Variants in MTMR7 observed in about 807,000 individuals in gnomAD.
MTMR7 encodes the protein phosphatidylinositol-3-phosphate phosphatase MTMR7.
Under a neutral mutation model 81.2 loss-of-function variants are expected in MTMR7, and 76 were observed. The observed-to-expected ratio is 0.94, with a 90% confidence interval of 0.78 to 1.13. The LOEUF is 1.13. Ranked by LOEUF, MTMR7 falls within the 50% of genes most tolerant of loss-of-function variation. MTMR7 has a pLI of 0.00. For missense variants in MTMR7, 1,044 were observed against 820.0 expected (o/e 1.27, Z -3.34); for synonymous variants, 372 against 289.8 (o/e 1.28, Z -2.88).
intron 4 of MTMR7, among the ~76,000 whole-genome samples, chr8:17,356,984 T>A (rs111463786): frequency 0.012 from 1,860 of 152,188 alleles, 36 homozygotes; most frequent in African/African-American, 0.043. Context: ...ACTCTACTCC[T>A]AAGTAGAAAC....
At chr8:17,380,419 G>A (rs1314371041) in intron 1 of MTMR7, among the ~76,000 whole-genome samples, 1 of 152,092 alleles carries the variant, frequency 6.6e-6, no homozygotes, top group African/African-American at 2.4e-5. Flanking sequence ...CTTGAGACTT[G>A]ACAAACTTTC....
intron 1 of MTMR7, among the ~76,000 whole-genome samples, chr8:17,404,480 T>G (rs1290456791): frequency 6.6e-6 from 1 of 152,212 alleles, no homozygotes; most frequent in Non-Finnish European, 1.5e-5. Context: ...ATTATGGATC[T>G]TATCAGTACT....
chr8:17,402,465 C>T (rs1173324246), intron 1 of MTMR7, among the ~76,000 whole-genome samples: 1 of 152,058 alleles, frequency 6.6e-6, no homozygotes, highest in Non-Finnish European at 1.5e-5. Context: ...TCCATGTGTT[C>T]AATTGTTTTA....
intron 1 of MTMR7, among the ~76,000 whole-genome samples, chr8:17,380,006 A>T (rs960115905): frequency 6.6e-6 from 1 of 152,166 alleles, no homozygotes; most frequent in Admixed American, 6.5e-5. Flanking sequence ...CTAGGTAATT[A>T]AGGAAGAGCT....
intron 4 of MTMR7, among the ~76,000 whole-genome samples, chr8:17,359,368 G>A (rs560471584): frequency 2.0e-5 from 3 of 152,048 alleles, no homozygotes; most frequent in South Asian, 4.2e-4. Flanking sequence ...GAGGCCAAGG[G>A]AGGAGGACTG....
intron 1 of MTMR7, among the ~76,000 whole-genome samples, chr8:17,374,693 A>G (rs1820520617): frequency 6.6e-6 from 1 of 152,136 alleles, no homozygotes; most frequent in Non-Finnish European, 1.5e-5. Flanking sequence ...GGTGCCTGCA[A>G]TCCCAGCTAC....
At chr8:17,308,029 G>C (rs536028697) in intron 10 of MTMR7, among the ~76,000 whole-genome samples, 5 of 147,508 alleles carry the variant, frequency 3.4e-5, no homozygotes, top group Admixed American at 3.4e-4. Context: ...CTAAAACAAA[G>C]TATAATAATA....
At chr8:17,368,261 T>C (rs1339324130) in intron 3 of MTMR7, among the ~76,000 whole-genome samples, 1 of 152,130 alleles carries the variant, frequency 6.6e-6, no homozygotes, top group Non-Finnish European at 1.5e-5. Context: ...GCCACTCACC[T>C]CCTGCTGTGC....
intron 5 of MTMR7, among the ~76,000 whole-genome samples, chr8:17,345,161 T>C (rs2150545245): frequency 6.6e-6 from 1 of 152,288 alleles, no homozygotes; most frequent in Middle Eastern, 3.4e-3. Context: ...AAAATTAATA[T>C]TATGTGTTGC....
rs1455355078 is a variant in MTMR7, at chr8:17,298,474, T to C, written c.*1388A>G. On this transcript the variant is annotated 3_prime_UTR_variant, in exon 14 of 14. Coordinates refer to ENST00000180173, the MANE Select transcript of MTMR7 (RefSeq NM_004686.5). ...TGCAACACTCCCTCCAAATCTTTCA[T>C]ACTAGAGAGATCAGCAATGTTGCTT... The C allele has an allele frequency of 6.6e-6, 1 of 152,518 alleles. No individual in the cohort carries two copies. Among genetic ancestry groups the C allele is most frequent in the South Asian group, 2.1e-4 (1 of 4,826 alleles). 9.4% of individuals were successfully genotyped at this position (152,518 alleles called of 1,614,324 possible). A position where few individuals can be genotyped will look rare whatever the true frequency, so the allele number is the denominator to read the frequency against.
intron 6 of MTMR7, chr8:17,339,030 C>T (rs1819334245): frequency 6.6e-6 from 1 of 152,140 alleles, no homozygotes; most frequent in South Asian, 2.1e-4. Context: ...GGACACAAAT[C>T]ATAATACTTG....
intron 11 of MTMR7, among the ~76,000 whole-genome samples, chr8:17,305,025 G>C (rs2150469978): frequency 6.6e-6 from 1 of 152,202 alleles, no homozygotes; most frequent in East Asian, 1.9e-4. Context: ...TCAGGTACAA[G>C]AAAACAGGTG....
chr8:17,311,293 A>G (rs1817766058), intron 9 of MTMR7, among the ~76,000 whole-genome samples: 1 of 152,216 alleles, frequency 6.6e-6, no homozygotes, highest in South Asian at 2.1e-4. Context: ...TTGACTTGAA[A>G]TGGTTTCAAT....
intron 13 of MTMR7, among the ~76,000 whole-genome samples, chr8:17,301,310 A>G (rs1817094445): frequency 6.6e-6 from 1 of 152,222 alleles, no homozygotes. Flanking sequence ...GGTTAGAAGG[A>G]AAAGAACAGA....
At chr8:17,383,074 T>A (rs1820811085) in intron 1 of MTMR7, among the ~76,000 whole-genome samples, 1 of 151,372 alleles carries the variant, frequency 6.6e-6, no homozygotes, top group Non-Finnish European at 1.5e-5. Flanking sequence ...ATAAGACACA[T>A]CCACCACCTG....
At chr8:17,395,245 A>C (rs895984399) in intron 1 of MTMR7, among the ~76,000 whole-genome samples, 5 of 152,156 alleles carry the variant, frequency 3.3e-5, no homozygotes, top group African/African-American at 1.2e-4. Context: ...CATGTATCAG[A>C]ACTTCATTCC....
At chr8:17,341,967 A>T (rs1819419758) in intron 5 of MTMR7, among the ~76,000 whole-genome samples, 1 of 152,118 alleles carries the variant, frequency 6.6e-6, no homozygotes, top group Non-Finnish European at 1.5e-5. Flanking sequence ...AAATACCAAA[A>T]ACCAATTCTA....
chr8:17,408,385 G>C lies in MTMR7; in HGVS notation c.24+4884C>G. 9.1e-5 allele frequency among the ~76,000 whole-genome samples: 3 copies of C among 32,882 alleles called. 1 individual carries two copies. The highest frequency in any genetic ancestry group is 1.6e-4 in the Non-Finnish European group (2 of 12,466). The allele number at this position is 32,882 out of a possible 152,430, so 21.6% of individuals were successfully genotyped here. A position where few individuals can be genotyped will look rare whatever the true frequency, so the allele number is the denominator to read the frequency against. Reference sequence around the variant, plus strand: ...CAGTCCGGCCTGGGCGACAGAGCGAGACTCCGTCTCAAAAAAAAAAAAAAA... The same window carrying C: ...CAGTCCGGCCTGGGCGACAGAGCGACACTCCGTCTCAAAAAAAAAAAAAAA... On this transcript the variant is annotated intron_variant, in intron 1 of 13. Transcript: ENST00000180173.
At position 17,311,531 on chromosome 8, in the gene MTMR7, G is replaced by C; in HGVS notation, c.1081C>G (p.Arg361Gly). The C allele has an allele frequency of 6.2e-7, 1 of 1,614,132 alleles. No homozygotes were observed. Among genetic ancestry groups the C allele is most frequent in the Non-Finnish European group, 8.5e-7 (1 of 1,180,014 alleles). Residue 361 changes from arginine (R) to glycine (G), a missense_variant, in exon 9 of 14, where the codon CGG becomes GGG. By Grantham distance (125) the Arg-to-Gly change is moderately radical. Transcript: ENST00000180173. Reference sequence around the variant, plus strand: ...CTCACCATGAAGCCCTTCAGAGTCCGGTAGTGAGGGTCCAGCAGCAGGCTT... The same window carrying C: ...CTCACCATGAAGCCCTTCAGAGTCCCGTAGTGAGGGTCCAGCAGCAGGCTT... ...VASLLLDPHY[R>G]TLKGFMVLIE...
Sources: allele counts gnomAD v4.1 joint callset (sites outside exome capture counted in the v4.1 genomes callset), GRCh38; gene constraint gnomAD v4.1.1; transcripts MANE v1.5; gene names NCBI Gene and HGNC (gene_info 2026-07-23, HGNC 2026-07-21).